The following MAGI2 variants were observed in gnomAD, a reference collection of about 807,000 sequenced individuals.
MAGI2 encodes the protein membrane associated guanylate kinase, WW and PDZ domain containing 2, also known as membrane-associated guanylate kinase, WW and PDZ domain-containing protein 2.
MAGI2 carries 35 observed loss-of-function variants against 133.3 expected under a neutral mutation model. That is an observed-to-expected ratio of 0.26 (90% confidence interval 0.20 to 0.35). The LOEUF is 0.35. MAGI2 is among the 10% of genes least tolerant of loss of function. The pLI is 1.00. For synonymous variants in MAGI2, 729 were observed against 710.6 expected, an observed-to-expected ratio of 1.03 and a Z score of -0.41; for missense variants, 1,636 against 1,863.4, an observed-to-expected ratio of 0.88 and a Z score of 2.25.
At chr7:78,275,105 C>A (rs1053496831) in intron 9 of MAGI2, among the ~76,000 whole-genome samples, 1 of 152,182 alleles carries the variant, frequency 6.6e-6, no homozygotes, top group African/African-American at 2.4e-5. Flanking sequence ...TCCTGGTCTG[C>A]CGGCTGTGAA....
chr7:78,991,147 C>G (rs1805731463), intron 2 of MAGI2, among the ~76,000 whole-genome samples: 1 of 151,904 alleles, frequency 6.6e-6, no homozygotes, highest in Non-Finnish European at 1.5e-5. Flanking sequence ...CTCTCTCCTG[C>G]CACCTTGTAA....
intron 6 of MAGI2, among the ~76,000 whole-genome samples, chr7:78,451,297 A>T (rs1052520601): frequency 1.3e-5 from 2 of 152,146 alleles, no homozygotes; most frequent in Non-Finnish European, 2.9e-5. Flanking sequence ...TACATTTCTA[A>T]TATTGCATTA....
At chr7:78,481,614 A>T (rs555791049) in intron 6 of MAGI2, among the ~76,000 whole-genome samples, 1 of 152,020 alleles carries the variant, frequency 6.6e-6, no homozygotes, top group African/African-American at 2.4e-5. Flanking sequence ...AGATGAACAG[A>T]ATCCAACAGT....
At chr7:78,388,339 AG>A (rs1309510712) in intron 6 of MAGI2, among the ~76,000 whole-genome samples, 2 of 152,188 alleles carry the variant, frequency 1.3e-5, no homozygotes, top group Non-Finnish European at 2.9e-5. Context: ...CCATAATAGC[AG>A]CAATAGTAGG....
At chr7:78,447,422 T>A (rs1421101027) in intron 6 of MAGI2, among the ~76,000 whole-genome samples, 2 of 151,394 alleles carry the variant, frequency 1.3e-5, no homozygotes, top group African/African-American at 4.9e-5. Flanking sequence ...AAAATGGCGA[T>A]AATTTTACTA....
intron 1 of MAGI2, among the ~76,000 whole-genome samples, chr7:79,128,026 A>T (rs1820586300): frequency 6.6e-6 from 1 of 152,154 alleles, no homozygotes; most frequent in African/African-American, 2.4e-5. Context: ...ATGGCTAGCC[A>T]GTTTTCCCAG....
intron 1 of MAGI2, among the ~76,000 whole-genome samples, chr7:79,180,961 C>G (rs1826563036): frequency 6.6e-6 from 1 of 151,960 alleles, no homozygotes. Flanking sequence ...GACTTCATGT[C>G]TCACATCCAG....
chr7:78,473,434 T>C (rs1310688792), intron 6 of MAGI2, among the ~76,000 whole-genome samples: 6 of 152,230 alleles, frequency 3.9e-5, no homozygotes. Flanking sequence ...TATTTACATA[T>C]GACAATACAC....
At chr7:78,614,678 T>C (rs896333927) in intron 3 of MAGI2, 1 of 152,190 alleles carries the variant, frequency 6.6e-6, no homozygotes, top group Non-Finnish European at 1.5e-5. Flanking sequence ...GTTGAGACAA[T>C]TTAGTCAAAT....
At chr7:78,280,853 CAAAAAAAAAA>C (rs36097343) in intron 9 of MAGI2, among the ~76,000 whole-genome samples, 5 of 108,068 alleles carry the variant, frequency 4.6e-5, no homozygotes, top group African/African-American at 1.1e-4. Flanking sequence ...GATGGGTATA[CAAAAAAAAAA>C]AAAAAAAAAA....
intron 3 of MAGI2, among the ~76,000 whole-genome samples, chr7:78,625,059 G>T (rs1260727482): frequency 6.6e-6 from 1 of 152,058 alleles, no homozygotes; most frequent in Non-Finnish European, 1.5e-5. Flanking sequence ...TGTGAAGGTG[G>T]AAGACAGTGA....
chr7:79,235,328 C>A (rs1054660124), intron 1 of MAGI2, among the ~76,000 whole-genome samples: 1 of 151,748 alleles, frequency 6.6e-6, no homozygotes, highest in Non-Finnish European at 1.5e-5. Flanking sequence ...CCACCCAGTT[C>A]GAGCTTCCCG....
At chr7:78,575,027 C>T (rs1802120423) in intron 3 of MAGI2, among the ~76,000 whole-genome samples, 1 of 152,136 alleles carries the variant, frequency 6.6e-6, no homozygotes, top group African/African-American at 2.4e-5. Flanking sequence ...CTGTCTACAC[C>T]CGCAGTTTCT....
At chr7:78,288,836 C>G (rs544773337) in intron 9 of MAGI2, among the ~76,000 whole-genome samples, 19 of 152,200 alleles carry the variant, frequency 1.2e-4, no homozygotes, top group Non-Finnish European at 2.6e-4. Context: ...CCCAGGCAAA[C>G]AGGGTCTGGA....
chr7:79,044,133 G>T (rs1811951517), intron 1 of MAGI2, among the ~76,000 whole-genome samples: 1 of 151,968 alleles, frequency 6.6e-6, no homozygotes, highest in Non-Finnish European at 1.5e-5. Context: ...CAACAAAAAA[G>T]AAAACTTCAG....
intron 2 of MAGI2, among the ~76,000 whole-genome samples, chr7:78,778,166 C>A (rs1371825913): frequency 6.6e-6 from 1 of 152,158 alleles, no homozygotes; most frequent in East Asian, 1.9e-4. Context: ...TCTACATTAC[C>A]TTGTGAACCC....
chr7:79,051,883 A>G (rs1812707210), intron 1 of MAGI2, among the ~76,000 whole-genome samples: 1 of 151,978 alleles, frequency 6.6e-6, no homozygotes, highest in Non-Finnish European at 1.5e-5. Flanking sequence ...TTCTCTTTCT[A>G]TTTGGAGCCT....
intron 1 of MAGI2, among the ~76,000 whole-genome samples, chr7:79,189,637 A>G (rs985190611): frequency 1.3e-5 from 2 of 151,796 alleles, no homozygotes; most frequent in Non-Finnish European, 2.9e-5. Flanking sequence ...ATCATTTACT[A>G]AAGTCCATAG....
chr7:78,976,538 T>C (rs1222684487), intron 2 of MAGI2, among the ~76,000 whole-genome samples: 1 of 151,454 alleles, frequency 6.6e-6, no homozygotes, highest in African/African-American at 2.4e-5. Context: ...TCTGAGATTA[T>C]CAACCAGGAA....
Sources: gnomAD v4.1 joint callset for allele counts (sites outside exome capture counted in the v4.1 genomes callset) on GRCh38, gnomAD v4.1.1 for gene constraint, MANE v1.5 for transcripts, NCBI Gene and HGNC (gene_info 2026-07-23, HGNC 2026-07-21) for gene names.